The following SMAD2 variants were observed in gnomAD, a reference collection of about 807,000 sequenced individuals.
SMAD2 encodes the protein SMAD family member 2, also known as MAD homolog 2.
In SMAD2, 8 loss-of-function variants were observed where a neutral mutation model predicts 64.4. The ratio of observed to expected loss-of-function variants is 0.12; its 90% CI spans 0.07 to 0.22. SMAD2 has a LOEUF of 0.22. Ranked by LOEUF, SMAD2 falls within the 10% of genes least tolerant of loss-of-function variation. The pLI is 1.00. For missense variants in SMAD2, 289 were observed against 561.2 expected, an observed-to-expected ratio of 0.51 and a Z score of 4.90; for synonymous variants, 203 against 195.8, an observed-to-expected ratio of 1.04 and a Z score of -0.31.
In SMAD2 at chr18:47,850,196, GTA is replaced by G. The variant is rs1186942065; in HGVS notation, c.784+1076_784+1077del. ...CACTCTCATATATATATTATATATA[GTA>G]TATATATATTATTATATATATGTAT... On this transcript the variant is annotated intron_variant, in intron 7 of 10. Coordinates refer to ENST00000262160, the MANE Select transcript of SMAD2 (RefSeq NM_005901.6). Among the ~76,000 whole-genome samples, 193 of 75,132 alleles carry G rather than the reference GTA, an allele frequency of 2.6e-3. 1 individual carries two copies. The highest frequency in any genetic ancestry group is 4.8e-3 in the Admixed American group (20 of 4,182). The allele number at this position is 75,132 out of a possible 152,430, so 49.3% of individuals were successfully genotyped here. A position where few individuals can be genotyped will look rare whatever the true frequency, so the allele number is the denominator to read the frequency against.
chr18:47,917,686 C>G (rs1056405667), intron 1 of SMAD2, among the ~76,000 whole-genome samples: 41 of 152,050 alleles, frequency 2.7e-4, no homozygotes, highest in African/African-American at 8.9e-4. Context: ...TTTAACTCAT[C>G]ATTGCATTGT....
At chr18:47,870,814 T>G (rs1200186816) in intron 2 of SMAD2, among the ~76,000 whole-genome samples, 2 of 152,196 alleles carry the variant, frequency 1.3e-5, no homozygotes, top group African/African-American at 4.8e-5. Flanking sequence ...CAACGCCCTC[T>G]AGCTCAATGA....
At chr18:47,878,075 C>T (rs149601319) in intron 2 of SMAD2, among the ~76,000 whole-genome samples, 4 of 152,148 alleles carry the variant, frequency 2.6e-5, no homozygotes, top group South Asian at 4.1e-4. Flanking sequence ...ATGTGCATTC[C>T]GGTATGTCAG....
At chr18:47,860,775 A>C (rs2031113612) in intron 6 of SMAD2, among the ~76,000 whole-genome samples, 1 of 152,196 alleles carries the variant, frequency 6.6e-6, no homozygotes, top group Non-Finnish European at 1.5e-5. Context: ...AAATCCATGA[A>C]ACTATATGAT....
intron 1 of SMAD2, among the ~76,000 whole-genome samples, chr18:47,914,326 G>C (rs2034254240): frequency 6.6e-6 from 1 of 152,080 alleles, no homozygotes; most frequent in South Asian, 2.1e-4. Context: ...AAGAAATCTT[G>C]CTGTGCCTCT....
chr18:47,884,909 C>T (rs1251279555), intron 2 of SMAD2, among the ~76,000 whole-genome samples: 4 of 151,982 alleles, frequency 2.6e-5, no homozygotes, highest in East Asian at 3.9e-4. Context: ...TCTGAGATAC[C>T]GTTTGATATT....
At chr18:47,856,562 A>C (rs1171674387) in intron 6 of SMAD2, among the ~76,000 whole-genome samples, 4 of 152,218 alleles carry the variant, frequency 2.6e-5, no homozygotes, top group Non-Finnish European at 4.4e-5. Context: ...CCTTAACCCA[A>C]ATATGATCAC....
chr18:47,901,341 C>G (rs537942663), intron 1 of SMAD2, among the ~76,000 whole-genome samples: 1 of 152,230 alleles, frequency 6.6e-6, no homozygotes, highest in East Asian at 1.9e-4. Flanking sequence ...CTTCAGTTAG[C>G]ATTTGGATGG....
chr18:47,902,189 G>A (rs2033711088), intron 1 of SMAD2, among the ~76,000 whole-genome samples: 1 of 152,068 alleles, frequency 6.6e-6, no homozygotes. Flanking sequence ...TCTGTACCCA[G>A]GAAAAACAAT....
At chr18:47,923,052 CTTAT>C (rs1568120143) in intron 1 of SMAD2, among the ~76,000 whole-genome samples, 1 of 95,238 alleles carries the variant, frequency 1.0e-5, no homozygotes, top group Non-Finnish European at 1.9e-5. Flanking sequence ...AAAGAGACTA[CTTAT>C]TTTTTTTTTT....
At chr18:47,852,978 C>T (rs62086544) in intron 6 of SMAD2, among the ~76,000 whole-genome samples, 1 of 151,892 alleles carries the variant, frequency 6.6e-6, no homozygotes, top group Non-Finnish European at 1.5e-5. Context: ...CGTTTAGGCA[C>T]AGTTACCTAA....
chr18:47,879,689 G>C (rs139116989), intron 2 of SMAD2, among the ~76,000 whole-genome samples: 1 of 151,690 alleles, frequency 6.6e-6, no homozygotes, highest in Non-Finnish European at 1.5e-5. Context: ...TTTTTTTCTC[G>C]GGTAAACACC....
At chr18:47,891,699 C>G (rs940823211) in intron 2 of SMAD2, among the ~76,000 whole-genome samples, 2 of 151,796 alleles carry the variant, frequency 1.3e-5, no homozygotes, top group African/African-American at 4.8e-5. Flanking sequence ...TAGAAATACA[C>G]TTTTTGAAGG....
rs1913736601 is a variant in SMAD2, at chr18:47,839,422, G to C, written c.*2405C>G. The C allele has an allele frequency of 4.3e-6, 1 of 233,218 alleles. No homozygotes were observed. The highest frequency in any genetic ancestry group is 5.6e-5 in the Admixed American group (1 of 17,772). 14.4% of individuals were successfully genotyped at this position (233,218 alleles called of 1,614,324 possible). A position where few individuals can be genotyped will look rare whatever the true frequency, so the allele number is the denominator to read the frequency against. On this transcript the variant is annotated 3_prime_UTR_variant, in exon 11 of 11. Transcript: ENST00000262160. ...AGTATCTCCTACAGGCCTGATAGTG[G>C]TATTACCTAGGACATTTACTCTGCT...
chr18:47,850,607 AAT>A (rs1442184056), intron 7 of SMAD2, among the ~76,000 whole-genome samples: 1 of 55,810 alleles, frequency 1.8e-5, no homozygotes, highest in Non-Finnish European at 2.8e-5. Flanking sequence ...TATTATGTAT[AAT>A]ATATATTATA....
intron 3 of SMAD2, among the ~76,000 whole-genome samples, chr18:47,870,007 C>A (rs954419493): frequency 1.3e-5 from 2 of 151,352 alleles, no homozygotes; most frequent in African/African-American, 4.9e-5. Context: ...ATACCATATA[C>A]GCAAAAAAGA....
rs1259451057 is a variant in SMAD2 at position 47,838,613 on chromosome 18, A to G, written c.*3214T>C. ...AGAGCACAATCAGCGGTATTCCAGA[A>G]GGTAGGCCTAAATCCAGTTATATTT... On this transcript the variant is annotated 3_prime_UTR_variant, in exon 11 of 11. Transcript: ENST00000262160. 1 of 233,010 alleles carries G rather than the reference A, an allele frequency of 4.3e-6. No homozygotes were observed. The allele number at this position is 233,010 out of a possible 1,614,324, so 14.4% of individuals were successfully genotyped here.
At chr18:47,888,234 C>G (rs1371124869) in intron 2 of SMAD2, among the ~76,000 whole-genome samples, 1 of 151,996 alleles carries the variant, frequency 6.6e-6, no homozygotes, top group African/African-American at 2.4e-5. Context: ...CAATGGAGAG[C>G]TATCAAACTA....
chr18:47,847,724 G>C (rs1015124292), intron 8 of SMAD2, among the ~76,000 whole-genome samples: 8 of 117,290 alleles, frequency 6.8e-5, no homozygotes, highest in African/African-American at 2.1e-4. Flanking sequence ...AAAAAAAATA[G>C]AGTGGCAACA....
Sources: allele counts gnomAD v4.1 joint callset (sites outside exome capture counted in the v4.1 genomes callset), GRCh38; gene constraint gnomAD v4.1.1; transcripts MANE v1.5; gene names NCBI Gene and HGNC (gene_info 2026-07-23, HGNC 2026-07-21).